HAT1: variants seen among roughly 807,000 people sequenced by gnomAD.
HAT1 encodes the protein histone acetyltransferase type B catalytic subunit.
Under a neutral mutation model 56.6 loss-of-function variants are expected in HAT1, and 20 were observed. That is an observed-to-expected ratio of 0.35 (90% CI 0.25 to 0.51). The LOEUF (loss-of-function observed/expected upper bound fraction) is 0.51. Ranked by LOEUF, HAT1 falls within the 20% of genes least tolerant of loss-of-function variation. The probability of loss-of-function intolerance (pLI) is 0.95; values close to 1 mark genes in which losing one functional copy is unlikely to be tolerated. For missense variants in HAT1, 408 were observed against 504.3 expected (o/e 0.81, Z 1.83); for synonymous variants, 146 against 165.5 (o/e 0.88, Z 0.91).
At chr2:171,973,869 G>A (rs1410743558) in intron 8 of HAT1, among the ~76,000 whole-genome samples, 2 of 152,070 alleles carry the variant, frequency 1.3e-5, no homozygotes, top group African/African-American at 4.8e-5. Flanking sequence ...GGGGATCACT[G>A]CTCTAATCCA....
intron 4 of HAT1, among the ~76,000 whole-genome samples, chr2:171,961,118 G>A (rs942179664): frequency 2.6e-5 from 4 of 152,072 alleles, no homozygotes; most frequent in African/African-American, 9.7e-5. Flanking sequence ...CTCCAGCTTG[G>A]GTGACAGAGC....
intron 2 of HAT1, among the ~76,000 whole-genome samples, chr2:171,935,360 C>G (rs1017068064): frequency 1.3e-5 from 2 of 149,462 alleles, no homozygotes; most frequent in Admixed American, 1.3e-4. Context: ...ACTAAAAATA[C>G]AAAAATTAGC....
chr2:171,940,515 A>G (rs1371718933), intron 2 of HAT1, among the ~76,000 whole-genome samples: 1 of 152,166 alleles, frequency 6.6e-6, no homozygotes, highest in African/African-American at 2.4e-5. Flanking sequence ...TTAACTCTTC[A>G]CCAGTAGTAA....
intron 3 of HAT1, among the ~76,000 whole-genome samples, chr2:171,949,928 C>T (rs995684893): frequency 6.6e-6 from 1 of 152,090 alleles, no homozygotes; most frequent in East Asian, 1.9e-4. Context: ...TCTGATATGT[C>T]CTTATAATTT....
At chr2:171,939,796 C>CTT (rs752238366) in intron 2 of HAT1, among the ~76,000 whole-genome samples, 2 of 141,836 alleles carry the variant, frequency 1.4e-5, no homozygotes, top group African/African-American at 5.2e-5. Context: ...TCCTTTTTTT[C>CTT]TTTTTTTTTT....
At chr2:171,976,401 A>C (rs1339976632) in intron 9 of HAT1, 93 bp downstream of exon 9, 7 of 620,188 alleles carry the variant, frequency 1.1e-5, no homozygotes, top group Non-Finnish European at 1.7e-5. Context: ...GACATTAAGA[A>C]TACATGTGTG....
intron 1 of HAT1, chr2:171,923,693 A>G (rs891883678): frequency 2.6e-5 from 4 of 152,246 alleles, no homozygotes; most frequent in African/African-American, 9.6e-5. Context: ...AGATGTTTAA[A>G]GAAGGACTTT....
chr2:171,942,313 T>C (rs1303216665), intron 2 of HAT1, among the ~76,000 whole-genome samples: 3 of 152,238 alleles, frequency 2.0e-5, no homozygotes, highest in African/African-American at 7.2e-5. Flanking sequence ...GGAAAGTAGA[T>C]AAAAGTATAT....
At chr2:171,982,407 TC>T (rs1433156131) in intron 10 of HAT1, among the ~76,000 whole-genome samples, 1 of 152,190 alleles carries the variant, frequency 6.6e-6, no homozygotes, top group South Asian at 2.1e-4. Flanking sequence ...CAGTATTTTC[TC>T]CCCTAAATCT....
At chr2:171,948,421 C>T (rs1687224824) in intron 3 of HAT1, among the ~76,000 whole-genome samples, 1 of 152,166 alleles carries the variant, frequency 6.6e-6, no homozygotes, top group Non-Finnish European at 1.5e-5. Context: ...GACGGGGTTT[C>T]ACCATCTTGG....
At chr2:171,953,839 A>T (rs190293966) in intron 4 of HAT1, among the ~76,000 whole-genome samples, 3,247 of 151,928 alleles carry the variant, frequency 0.021, 56 homozygotes, top group Middle Eastern at 0.037. Flanking sequence ...TACTAAAAAT[A>T]CAAAAATTAG....
chr2:171,940,297 G>T (rs1686986908), intron 2 of HAT1, among the ~76,000 whole-genome samples: 1 of 152,138 alleles, frequency 6.6e-6, no homozygotes, highest in Admixed American at 6.6e-5. Flanking sequence ...AACAAGCGTT[G>T]TTGCCTTGTT....
intron 4 of HAT1, among the ~76,000 whole-genome samples, chr2:171,959,250 A>G (rs1024823141): frequency 3.3e-5 from 5 of 152,210 alleles, no homozygotes; most frequent in African/African-American, 1.2e-4. Context: ...AGATTGCTAA[A>G]TTCTCCAGAC....
chr2:171,929,714 G>GTGAA (rs1325115575), intron 2 of HAT1, among the ~76,000 whole-genome samples: 2 of 152,190 alleles, frequency 1.3e-5, no homozygotes, highest in African/African-American at 4.8e-5. Context: ...TATAATTTGT[G>GTGAA]TGAATGCCTT....
intron 4 of HAT1, among the ~76,000 whole-genome samples, chr2:171,955,883 A>G (rs569630302): frequency 6.6e-6 from 1 of 152,018 alleles, no homozygotes; most frequent in South Asian, 2.1e-4. Flanking sequence ...CGTCTCTACT[A>G]AAAATACAAA....
At chr2:171,942,216 T>C (rs1030219523) in intron 2 of HAT1, among the ~76,000 whole-genome samples, 8 of 152,200 alleles carry the variant, frequency 5.3e-5, no homozygotes, top group Non-Finnish European at 1.0e-4. Context: ...CAACATAGGT[T>C]TTTAGTGCTT....
chr2:171,926,925 ATAAAG>A (rs1293971135), intron 2 of HAT1, among the ~76,000 whole-genome samples: 2 of 152,268 alleles, frequency 1.3e-5, no homozygotes, highest in African/African-American at 4.8e-5. Context: ...TGGTAAATGA[ATAAAG>A]TATAGTATAG....
rs376675406 is a variant in HAT1, at chr2:171,981,296, A to T, written c.1093-1889A>T. On this transcript the variant is annotated intron_variant, in intron 10 of 10. Coordinates refer to ENST00000264108, the MANE Select transcript of HAT1 (RefSeq NM_003642.4). ...GATAAAATGTTGTTGCTGCATTTAT[A>T]TATACTATACCTATAGGGTTATACA... Among the ~76,000 whole-genome samples the T allele has an allele frequency of 1.2e-4, 19 of 152,284 alleles. No individual in the cohort carries two copies. In the East Asian group the frequency reaches 3.1e-3, roughly 25 times the overall value.
chr2:171,927,169 G>C (rs942816628), intron 2 of HAT1, among the ~76,000 whole-genome samples: 1 of 152,194 alleles, frequency 6.6e-6, no homozygotes, highest in Admixed American at 6.5e-5. Flanking sequence ...TTTCTTTTGG[G>C]AATTATGGAA....
Sources: gnomAD v4.1 joint callset for allele counts (sites outside exome capture counted in the v4.1 genomes callset) on GRCh38, gnomAD v4.1.1 for gene constraint, MANE v1.5 for transcripts, NCBI Gene and HGNC (gene_info 2026-07-23, HGNC 2026-07-21) for gene names.